NXPE2: variants seen among roughly 807,000 people sequenced by gnomAD.
NXPE2 encodes the protein NXPE family member 2.
NXPE2 carries 34 observed loss-of-function variants against 34.4 expected under a neutral mutation model. The observed-to-expected ratio is 0.99, with a 90% CI of 0.75 to 1.31. The LOEUF is 1.31. NXPE2 is among the 40% of genes most tolerant of loss of function. NXPE2 has a pLI of 0.00. For missense variants in NXPE2, 649 were observed against 672.5 expected, an observed-to-expected ratio of 0.97 and a Z score of 0.39; for synonymous variants, 235 against 231.3, an observed-to-expected ratio of 1.02 and a Z score of -0.15.
intron 2 of NXPE2, 115 bp downstream of exon 2, chr11:114,679,877 T>C: frequency 1.6e-6 from 1 of 631,582 alleles, no homozygotes; most frequent in Non-Finnish European, 2.8e-6. Context: ...AGCAGGAGAA[T>C]GTGGATCAGG....
intron 2 of NXPE2, among the ~76,000 whole-genome samples, chr11:114,687,743 G>A (rs1951075238): frequency 6.6e-6 from 1 of 151,972 alleles, no homozygotes; most frequent in Non-Finnish European, 1.5e-5. Context: ...AGCAAGGGAT[G>A]TTTTTCCATT....
chr11:114,541,804 C>A, the NXPE2 span, among the ~76,000 whole-genome samples: 1 of 152,070 alleles, frequency 6.6e-6, no homozygotes. Flanking sequence ...TCAGAAAGAA[C>A]CAAACAAATT....
chr11:114,709,026 T>C (rs1859562237), downstream of NXPE2, among the ~76,000 whole-genome samples: 1 of 152,236 alleles, frequency 6.6e-6, no homozygotes, highest in Non-Finnish European at 1.5e-5. Context: ...TTAATTTAAA[T>C]GTGATCCATT....
chr11:114,798,723 A>G, the NXPE2 span, among the ~76,000 whole-genome samples: 1 of 152,180 alleles, frequency 6.6e-6, no homozygotes, highest in Non-Finnish European at 1.5e-5. Context: ...TTTCATAGTT[A>G]ATAAACCATA....
At chr11:114,714,110 T>C in the NXPE2 span, among the ~76,000 whole-genome samples, 1 of 152,272 alleles carries the variant, frequency 6.6e-6, no homozygotes, top group African/African-American at 2.4e-5. Context: ...TATAGGAATT[T>C]TGCTGACTTA....
the NXPE2 span, among the ~76,000 whole-genome samples, chr11:114,617,923 A>G: frequency 7.2e-6 from 1 of 138,126 alleles, no homozygotes; most frequent in South Asian, 2.3e-4. Flanking sequence ...TAACCACTGT[A>G]ATCTGCTGCA....
chr11:114,713,228 T>G, the NXPE2 span, among the ~76,000 whole-genome samples: 1 of 152,172 alleles, frequency 6.6e-6, no homozygotes. Flanking sequence ...ACTACCGTAC[T>G]GTACACTGAA....
chr11:114,622,146 G>A, the NXPE2 span, among the ~76,000 whole-genome samples: 29 of 152,104 alleles, frequency 1.9e-4, no homozygotes, highest in South Asian at 3.9e-3. Context: ...TGCCTCATGG[G>A]TAGCCACTGT....
chr11:114,650,662 T>C, the NXPE2 span, among the ~76,000 whole-genome samples: 2 of 152,054 alleles, frequency 1.3e-5, no homozygotes, highest in African/African-American at 4.8e-5. Flanking sequence ...ACCCAGGATA[T>C]ATGCTGATAT....
At chr11:114,710,097 G>T (rs1859585329), downstream of NXPE2, among the ~76,000 whole-genome samples, 1 of 152,182 alleles carries the variant, frequency 6.6e-6, no homozygotes, top group Non-Finnish European at 1.5e-5. Flanking sequence ...TGCAGTAAAA[G>T]TGGCAATAAC....
At chr11:114,633,148 A>G in the NXPE2 span, among the ~76,000 whole-genome samples, 1 of 125,156 alleles carries the variant, frequency 8.0e-6, no homozygotes, top group Non-Finnish European at 1.6e-5. Context: ...ATTATTTTAT[A>G]TATTTGGTAT....
the NXPE2 span, among the ~76,000 whole-genome samples, chr11:114,751,701 C>A: frequency 6.6e-6 from 1 of 152,064 alleles, no homozygotes; most frequent in Non-Finnish European, 1.5e-5. Context: ...TATCCTAATC[C>A]CTGGAACCTG....
At chr11:114,633,136 A>G in the NXPE2 span, among the ~76,000 whole-genome samples, 4 of 125,420 alleles carry the variant, frequency 3.2e-5, no homozygotes, top group Admixed American at 2.7e-4. Flanking sequence ...TATATTTCAT[A>G]TATTATTTTA....
At chr11:114,590,209 C>T in the NXPE2 span, among the ~76,000 whole-genome samples, 1 of 152,214 alleles carries the variant, frequency 6.6e-6, no homozygotes, top group East Asian at 1.9e-4. Context: ...TGTGCCCCAA[C>T]TGAGGAAACC....
the NXPE2 span, among the ~76,000 whole-genome samples, chr11:114,649,243 G>A: frequency 6.6e-6 from 1 of 151,664 alleles, no homozygotes; most frequent in Non-Finnish European, 1.5e-5. Flanking sequence ...TTAATCTTAG[G>A]GCATGGTAAT....
the NXPE2 span, among the ~76,000 whole-genome samples, chr11:114,640,536 A>G: frequency 6.6e-6 from 1 of 151,734 alleles, no homozygotes; most frequent in Non-Finnish European, 1.5e-5. Flanking sequence ...CCTCCATACT[A>G]TTTACACAGA....
chr11:114,776,923 TTATAAG>T, the NXPE2 span, among the ~76,000 whole-genome samples: 4 of 152,220 alleles, frequency 2.6e-5, no homozygotes, highest in African/African-American at 9.6e-5. Flanking sequence ...TCAAACAACT[TTATAAG>T]TATTAATGTC....
At chr11:114,627,317 T>A in the NXPE2 span, among the ~76,000 whole-genome samples, 64 of 152,126 alleles carry the variant, frequency 4.2e-4, 1 homozygote, top group Middle Eastern at 3.4e-3. Context: ...TAACAGCAGA[T>A]CTCTTGGCAG....
chr11:114,554,076 A>G, the NXPE2 span: 1 of 985,402 alleles, frequency 1.0e-6, no homozygotes. Context: ...CAAATCAGAA[A>G]CTTGGCCACT....
Sources: gnomAD v4.1 joint callset for allele counts (sites outside exome capture counted in the v4.1 genomes callset) on GRCh38, gnomAD v4.1.1 for gene constraint, MANE v1.5 for transcripts, NCBI Gene and HGNC (gene_info 2026-07-23, HGNC 2026-07-21) for gene names.